The following KCNK1 variants were observed in gnomAD, a reference collection of about 807,000 sequenced individuals.
The protein encoded by KCNK1 is potassium channel subfamily K member 1.
KCNK1 carries 10 observed loss-of-function variants against 22.2 expected under a neutral mutation model. That is an observed-to-expected ratio of 0.45 (90% CI 0.28 to 0.76). The LOEUF (loss-of-function observed/expected upper bound fraction) is 0.76. KCNK1 is among the 30% of genes least tolerant of loss of function. The probability of loss-of-function intolerance (pLI) is 0.14; values close to 1 mark genes in which losing one functional copy is unlikely to be tolerated. For missense variants in KCNK1, 378 were observed against 421.0 expected (o/e 0.90, Z 0.89); for synonymous variants, 200 against 186.4 (o/e 1.07, Z -0.60).
intron 1 of KCNK1, among the ~76,000 whole-genome samples, chr1:233,638,422 GAAAA>G (rs11363117): frequency 2.0e-5 from 3 of 149,072 alleles, no homozygotes; most frequent in Non-Finnish European, 3.0e-5. Context: ...AAAAAAGAGA[GAAAA>G]AAAAAAAAGA....
chr1:233,618,937 A>C (rs1050768699), intron 1 of KCNK1, among the ~76,000 whole-genome samples: 1 of 152,240 alleles, frequency 6.6e-6, no homozygotes, highest in Non-Finnish European at 1.5e-5. Flanking sequence ...TTTTGTATTC[A>C]TGCAGTATAC....
chr1:233,649,982 G>T (rs1658170869), intron 1 of KCNK1: 1 of 533,440 alleles, frequency 1.9e-6, no homozygotes, highest in Non-Finnish European at 3.8e-6. Flanking sequence ...GAAGATTGTT[G>T]AATCTGGCTG....
Position 233,628,005 on chromosome 1 carries a change from G to A in KCNK1, c.355+13479G>A, listed in dbSNP as rs576587929. ...CTTCACTCAGAACTATGTTTTGTGC[G>A]TTGACTTGTGTTAGTCATCTCTACC... is the stretch of plus-strand genomic sequence containing the variant. On this transcript the variant is annotated intron_variant, in intron 1 of 2. Transcript: ENST00000366621. Among the ~76,000 whole-genome samples, 12 of 152,296 alleles carry A rather than the reference G, an allele frequency of 7.9e-5. No homozygotes were observed. The South Asian group carries it at 1.0e-3, about 13-fold the overall frequency.
At chr1:233,630,876 C>A in intron 1 of KCNK1, 1 of 171,876 alleles carries the variant, frequency 5.8e-6, no homozygotes, top group Non-Finnish European at 1.2e-5. Flanking sequence ...GTCATCTAAC[C>A]TCTGAGGGTC....
chr1:233,620,327 T>C (rs551944017), intron 1 of KCNK1, among the ~76,000 whole-genome samples: 1 of 152,362 alleles, frequency 6.6e-6, no homozygotes, highest in Non-Finnish European at 1.5e-5. Flanking sequence ...GCTAAGAGTA[T>C]TCTGAATATT....
Position 233,666,869 on chromosome 1 carries a change from G to T in KCNK1, c.630G>T (p.Trp210Cys). The T allele has an allele frequency of 6.2e-7, 1 of 1,614,118 alleles. No homozygotes were observed. Among genetic ancestry groups the T allele is most frequent in the Non-Finnish European group, 8.5e-7 (1 of 1,180,030 alleles). The part of the protein sequence containing the change: ...AAVFSVLEDD[W>C]NFLESFYFCF... Reference sequence around the variant, plus strand: ...TCTTCTCAGTCCTGGAGGATGACTGGAACTTCCTGGAATCCTTTTATTTTT... The same window carrying T: ...TCTTCTCAGTCCTGGAGGATGACTGTAACTTCCTGGAATCCTTTTATTTTT... Residue 210 changes from tryptophan to cysteine, a missense_variant, in exon 2 of 3, where the codon TGG becomes TGT. Transcript: ENST00000366621.
chr1:233,642,427 G>A (rs1241165858), intron 1 of KCNK1, among the ~76,000 whole-genome samples: 1 of 152,216 alleles, frequency 6.6e-6, no homozygotes, highest in East Asian at 1.9e-4. Context: ...ACAAGGGCAG[G>A]TGAGCAGATA....
At chr1:233,661,543 C>T (rs1048884419) in intron 1 of KCNK1, among the ~76,000 whole-genome samples, 1 of 152,194 alleles carries the variant, frequency 6.6e-6, no homozygotes, top group African/African-American at 2.4e-5. Context: ...GACTTGTTAC[C>T]TCTGTGACCT....
intron 1 of KCNK1, among the ~76,000 whole-genome samples, chr1:233,640,090 C>G (rs1657976714): frequency 6.6e-6 from 1 of 152,220 alleles, no homozygotes; most frequent in Non-Finnish European, 1.5e-5. Context: ...ATGAGAAAGA[C>G]TGGAATCCCA....
chr1:233,619,931 G>GA (rs1379586437), intron 1 of KCNK1, among the ~76,000 whole-genome samples: 3 of 137,200 alleles, frequency 2.2e-5, no homozygotes, highest in Admixed American at 1.4e-4. Flanking sequence ...GGGCGGGGGG[G>GA]CGGGGGGGCA....
At chr1:233,663,511 A>G (rs1012369113) in intron 1 of KCNK1, among the ~76,000 whole-genome samples, 1 of 152,248 alleles carries the variant, frequency 6.6e-6, no homozygotes, top group African/African-American at 2.4e-5. Flanking sequence ...TTTCTCTACT[A>G]GAACCTAAAT....
chr1:233,662,448 G>T (rs1658413905), intron 1 of KCNK1, among the ~76,000 whole-genome samples: 1 of 152,168 alleles, frequency 6.6e-6, no homozygotes, highest in Non-Finnish European at 1.5e-5. Context: ...AAAGCATCTG[G>T]TGTATGTGAA....
intron 1 of KCNK1, among the ~76,000 whole-genome samples, chr1:233,632,163 C>T (rs1266183408): frequency 2.0e-5 from 3 of 152,234 alleles, no homozygotes; most frequent in African/African-American, 7.2e-5. Context: ...CTAATATGTG[C>T]TCTGTCCACT....
At chr1:233,652,501 G>T (rs1658219880) in intron 1 of KCNK1, among the ~76,000 whole-genome samples, 1 of 152,186 alleles carries the variant, frequency 6.6e-6, no homozygotes, top group African/African-American at 2.4e-5. Context: ...TGAAAGAGCT[G>T]CTGTGAAGAT....
At chr1:233,664,209 C>T (rs546981158) in intron 1 of KCNK1, among the ~76,000 whole-genome samples, 2 of 152,206 alleles carry the variant, frequency 1.3e-5, no homozygotes, top group East Asian at 3.9e-4. Context: ...TCGGATCATC[C>T]CTCCTTGGTG....
chr1:233,633,328 G>A lies in KCNK1; in HGVS notation c.355+18802G>A, dbSNP rs1233949298. Among the ~76,000 whole-genome samples the A allele has an allele frequency of 2.6e-5, 4 of 151,948 alleles. No individual in the cohort carries two copies. The East Asian group carries it at 7.7e-4, about 29-fold the overall frequency. On this transcript the variant is annotated intron_variant, in intron 1 of 2. Transcript: ENST00000366621. The stretch of plus-strand genomic sequence containing the variant: ...TTAGAAGAAAGCTCCATTGGAGTAT[G>A]TATTATAGGATTCTTCTGCAGAGCA...
At chr1:233,646,608 G>A (rs1437226279) in intron 1 of KCNK1, among the ~76,000 whole-genome samples, 1 of 152,068 alleles carries the variant, frequency 6.6e-6, no homozygotes, top group Non-Finnish European at 1.5e-5. Flanking sequence ...TGCAGGGAGT[G>A]AGAGCAGATG....
At position 233,650,873 on chromosome 1, in the gene KCNK1, A is replaced by G. The variant is rs1025903562; in HGVS notation, c.356-15722A>G. ...AAGATACAGAGATTCCCACCAGGGC[A>G]AAATGGACGCCACGTTTCCCTCCCG... On this transcript the variant is annotated intron_variant, in intron 1 of 2. Transcript: ENST00000366621. Among the ~76,000 whole-genome samples the G allele has an allele frequency of 7.2e-5, 11 of 151,802 alleles. 1 individual carries two copies. The highest frequency in any genetic ancestry group is 1.5e-4 in the Non-Finnish European group (10 of 68,002).
chr1:233,670,302 AG>A (rs1256851254), intron 2 of KCNK1, among the ~76,000 whole-genome samples: 1 of 152,218 alleles, frequency 6.6e-6, no homozygotes, highest in African/African-American at 2.4e-5. Flanking sequence ...GAGATAATGA[AG>A]AGCTTGGCTT....
Sources: gnomAD v4.1 joint callset for allele counts (sites outside exome capture counted in the v4.1 genomes callset) on GRCh38, gnomAD v4.1.1 for gene constraint, MANE v1.5 for transcripts, NCBI Gene and HGNC (gene_info 2026-07-23, HGNC 2026-07-21) for gene names.